Variants in DLGAP1 observed in about 807,000 individuals in gnomAD.
DLGAP1 encodes disks large-associated protein 1.
In DLGAP1, 11 loss-of-function variants were observed where a neutral mutation model predicts 90.8. That is an observed-to-expected ratio of 0.12 (90% CI 0.08 to 0.20). DLGAP1 has a LOEUF of 0.20. DLGAP1 is among the 10% of genes least tolerant of loss of function. DLGAP1 has a pLI of 1.00. For synonymous variants in DLGAP1, 558 were observed against 540.7 expected (o/e 1.03, Z -0.44); for missense variants, 1,050 against 1,333.8 (o/e 0.79, Z 3.31).
chr18:4,382,880 C>T (rs2082158349), intron 1 of DLGAP1, among the ~76,000 whole-genome samples: 1 of 152,240 alleles, frequency 6.6e-6, no homozygotes, highest in South Asian at 2.1e-4. Context: ...ACGAATTTGA[C>T]CCTGCAGTTC....
chr18:3,745,121 C>T (rs2063213796), intron 5 of DLGAP1, among the ~76,000 whole-genome samples: 1 of 152,100 alleles, frequency 6.6e-6, no homozygotes, highest in Non-Finnish European at 1.5e-5. Context: ...ATGAAATGTC[C>T]AGAATAGGCA....
chr18:3,750,471 T>C (rs1342476180), intron 5 of DLGAP1, among the ~76,000 whole-genome samples: 1 of 152,190 alleles, frequency 6.6e-6, no homozygotes, highest in Non-Finnish European at 1.5e-5. Context: ...TTATTTTCCT[T>C]TGGATATCTA....
At chr18:3,958,950 C>A (rs181114123) in intron 3 of DLGAP1, among the ~76,000 whole-genome samples, 5 of 152,198 alleles carry the variant, frequency 3.3e-5, no homozygotes, top group Non-Finnish European at 7.3e-5. Flanking sequence ...AGACCTCGAA[C>A]CTTCCCCTTT....
chr18:3,554,259 G>A (rs913789438), intron 9 of DLGAP1, among the ~76,000 whole-genome samples: 5 of 152,216 alleles, frequency 3.3e-5, no homozygotes, highest in African/African-American at 7.2e-5. Context: ...AGTGCCCCTT[G>A]GGGAGATGTT....
In DLGAP1 at chr18:4,329,160, G is replaced by T. The variant is rs1030594083; in HGVS notation, c.-267+125846C>A. On this transcript the variant is annotated intron_variant, in intron 1 of 12. Coordinates refer to ENST00000315677, the MANE Select transcript of DLGAP1 (RefSeq NM_004746.4). The stretch of plus-strand genomic sequence containing the variant: ...TTCACTGCTCTCTATATAGTTTATA[G>T]CTCTATAAACCAGTTTGAATTGTTT... Among the ~76,000 whole-genome samples, 5 of 151,850 alleles carry T rather than the reference G, an allele frequency of 3.3e-5. No individual in the cohort carries two copies. In the South Asian group the frequency reaches 6.2e-4, roughly 19 times the overall value.
At chr18:4,066,312 T>A (rs1436347493) in intron 2 of DLGAP1, among the ~76,000 whole-genome samples, 1 of 151,872 alleles carries the variant, frequency 6.6e-6, no homozygotes, top group Non-Finnish European at 1.5e-5. Context: ...TAGACAAATA[T>A]GTTCTAATTA....
At chr18:3,813,780 T>C (rs142336561) in intron 5 of DLGAP1, among the ~76,000 whole-genome samples, 180 of 152,208 alleles carry the variant, frequency 1.2e-3, no homozygotes, top group African/African-American at 4.0e-3. Context: ...GAAGCCATTC[T>C]GGATTCTTTT....
At chr18:4,001,997 A>G (rs889067314) in intron 3 of DLGAP1, among the ~76,000 whole-genome samples, 26 of 151,474 alleles carry the variant, frequency 1.7e-4, no homozygotes, top group African/African-American at 6.3e-4. Context: ...GACACTGTAC[A>G]GGTCTTAATC....
At chr18:4,027,830 A>G (rs369811144) in intron 2 of DLGAP1, among the ~76,000 whole-genome samples, 4 of 152,336 alleles carry the variant, frequency 2.6e-5, no homozygotes, top group African/African-American at 9.6e-5. Context: ...TTTCCAGCTC[A>G]GCAGTGTTAG....
chr18:3,676,382 A>C (rs1393950691), intron 7 of DLGAP1, among the ~76,000 whole-genome samples: 2 of 152,004 alleles, frequency 1.3e-5, no homozygotes, highest in Non-Finnish European at 2.9e-5. Context: ...CTCTCGGAAG[A>C]CCCTTCTCTC....
At chr18:3,532,253 C>T (rs745813588) in intron 10 of DLGAP1, among the ~76,000 whole-genome samples, 1 of 152,098 alleles carries the variant, frequency 6.6e-6, no homozygotes, top group Non-Finnish European at 1.5e-5. Flanking sequence ...GGGGACTCAT[C>T]ATGTTAAACT....
chr18:4,193,690 G>A (rs2077442591), intron 1 of DLGAP1, among the ~76,000 whole-genome samples: 1 of 152,162 alleles, frequency 6.6e-6, no homozygotes, highest in South Asian at 2.1e-4. Context: ...TTCTGTTAGT[G>A]TTTTATAAAT....
chr18:4,386,375 T>A (rs2082230793), intron 1 of DLGAP1, among the ~76,000 whole-genome samples: 1 of 152,224 alleles, frequency 6.6e-6, no homozygotes, highest in South Asian at 2.1e-4. Context: ...ACTGACCTAG[T>A]AAACATGAAC....
rs369922602 is a variant in DLGAP1 at position 4,118,871 on chromosome 18, T to G, written c.-159+32309A>C. 1.2e-4 allele frequency among the ~76,000 whole-genome samples: 19 copies of G among 152,262 alleles called. 3 individuals are homozygous for G. Among genetic ancestry groups the G allele is most frequent in the Admixed American group, 1.3e-4 (2 of 15,292 alleles). ...GGATAATTCTCTTTAAAAAACTATGTTTTTAAAAAATGCTTTCCTCCTGAT... is the reference window on the plus strand; with the variant it reads ...GGATAATTCTCTTTAAAAAACTATGGTTTTAAAAAATGCTTTCCTCCTGAT... On this transcript the variant is annotated intron_variant, in intron 2 of 12. Transcript: ENST00000315677.
chr18:3,525,374 T>G (rs2051547808), intron 10 of DLGAP1, among the ~76,000 whole-genome samples: 1 of 152,212 alleles, frequency 6.6e-6, no homozygotes, highest in Non-Finnish European at 1.5e-5. Context: ...ATATTTTATT[T>G]GAAGTCCATT....
chr18:4,368,636 TA>T, intron 1 of DLGAP1, among the ~76,000 whole-genome samples: 2 of 135,032 alleles, frequency 1.5e-5, no homozygotes, highest in East Asian at 2.2e-4. Context: ...CTCTCTCTCA[TA>T]CACACACACA....
chr18:4,236,655 A>T (rs2078422670), intron 1 of DLGAP1, among the ~76,000 whole-genome samples: 1 of 151,920 alleles, frequency 6.6e-6, no homozygotes, highest in Non-Finnish European at 1.5e-5. Flanking sequence ...CTTTAATGCA[A>T]TGTTGTTTAT....
chr18:3,663,577 G>T (rs929887489), intron 7 of DLGAP1, among the ~76,000 whole-genome samples: 3 of 152,174 alleles, frequency 2.0e-5, no homozygotes, highest in African/African-American at 7.2e-5. Flanking sequence ...CCTATCTCTT[G>T]TATAGGAACT....
At chr18:3,914,042 T>C (rs1409803351) in intron 3 of DLGAP1, among the ~76,000 whole-genome samples, 2 of 152,190 alleles carry the variant, frequency 1.3e-5, no homozygotes, top group Non-Finnish European at 2.9e-5. Context: ...TAGGTAATTT[T>C]ATTTTATTTT....
Sources: gnomAD v4.1 joint callset for allele counts (sites outside exome capture counted in the v4.1 genomes callset) on GRCh38, gnomAD v4.1.1 for gene constraint, MANE v1.5 for transcripts, NCBI Gene and HGNC (gene_info 2026-07-23, HGNC 2026-07-21) for gene names.